The following ALK variants were observed in gnomAD, a reference collection of about 807,000 sequenced individuals.
ALK encodes the protein ALK receptor tyrosine kinase, also known as ALK tyrosine kinase receptor.
A neutral mutation model predicts 163.1 loss-of-function variants in ALK; 74 were observed. The observed-to-expected ratio is 0.45, with a 90% CI of 0.38 to 0.55. The LOEUF is 0.55. Among genes scored for constraint, ALK ranks in the 20% least tolerant of loss-of-function variants. The pLI, the probability that ALK is intolerant of heterozygous loss-of-function variation, is 0.00. For missense variants in ALK, 2,063 were observed against 2,105.3 expected (o/e 0.98, Z 0.39); for synonymous variants, 960 against 843.2 (o/e 1.14, Z -2.40).
chr2:29,383,258 A>G (rs1436571253), intron 5 of ALK, among the ~76,000 whole-genome samples: 1 of 151,780 alleles, frequency 6.6e-6, no homozygotes, highest in Non-Finnish European at 1.5e-5. Flanking sequence ...GCTCTTTGAA[A>G]TTGATTATCT....
intron 9 of ALK, among the ~76,000 whole-genome samples, chr2:29,288,342 G>C (rs533218750): frequency 9.2e-4 from 140 of 152,272 alleles, no homozygotes; most frequent in African/African-American, 3.2e-3. Flanking sequence ...TTTTTCACTT[G>C]GGTCCTGACC....
intron 1 of ALK, among the ~76,000 whole-genome samples, chr2:29,763,392 T>C (rs1680768233): frequency 6.6e-6 from 1 of 152,198 alleles, no homozygotes; most frequent in Non-Finnish European, 1.5e-5. Context: ...TTACCAGATA[T>C]GTGACCTCTA....
intron 3 of ALK, among the ~76,000 whole-genome samples, chr2:29,654,911 T>G (rs1331058328): frequency 2.6e-5 from 4 of 152,132 alleles, no homozygotes; most frequent in Non-Finnish European, 5.9e-5. Context: ...CCTCATCAAT[T>G]ACTTTGACAT....
intron 1 of ALK, among the ~76,000 whole-genome samples, chr2:29,828,061 T>A (rs1319708198): frequency 6.6e-6 from 1 of 152,150 alleles, no homozygotes; most frequent in African/African-American, 2.4e-5. Context: ...AAACAAGAAA[T>A]GGGGAAATGA....
intron 5 of ALK, among the ~76,000 whole-genome samples, chr2:29,336,360 A>T (rs56878135): frequency 6.6e-6 from 1 of 151,900 alleles, no homozygotes; most frequent in African/African-American, 2.4e-5. Flanking sequence ...TCTCCCTTCC[A>T]GGGCATCTTT....
chr2:29,817,655 G>T (rs1268037191), intron 1 of ALK, among the ~76,000 whole-genome samples: 2 of 152,104 alleles, frequency 1.3e-5, no homozygotes, highest in Admixed American at 1.3e-4. Flanking sequence ...TTTGCCCAAG[G>T]ACCCGCCCTC....
chr2:29,542,902 T>C (rs1673450954), intron 3 of ALK, among the ~76,000 whole-genome samples: 1 of 152,202 alleles, frequency 6.6e-6, no homozygotes, highest in Admixed American at 6.5e-5. Flanking sequence ...TCTCTGATAA[T>C]TTAATTACCC....
intron 9 of ALK, among the ~76,000 whole-genome samples, chr2:29,288,960 AAAT>A (rs1476861130): frequency 0.041 from 517 of 12,602 alleles, 72 homozygotes; most frequent in Non-Finnish European, 0.18. Flanking sequence ...TCAAAAAAAT[AAAT>A]AAATAAATAA....
At chr2:29,217,498 G>T (rs1283397140) in intron 23 of ALK, among the ~76,000 whole-genome samples, 4 of 151,862 alleles carry the variant, frequency 2.6e-5, no homozygotes, top group Non-Finnish European at 5.9e-5. Flanking sequence ...TTTTTCATCT[G>T]TACCCATGCA....
chr2:29,555,668 G>A (rs1285216694), intron 3 of ALK, among the ~76,000 whole-genome samples: 1 of 152,144 alleles, frequency 6.6e-6, no homozygotes, highest in East Asian at 1.9e-4. Flanking sequence ...AGCAGATAGT[G>A]AAATGACCTC....
chr2:29,352,112 G>T (rs1413884258), intron 5 of ALK, among the ~76,000 whole-genome samples: 1 of 152,164 alleles, frequency 6.6e-6, no homozygotes, highest in Non-Finnish European at 1.5e-5. Context: ...GGCCATCTGT[G>T]CTCCGCTTCA....
chr2:29,194,972 A>G (rs1668988361), intron 28 of ALK, among the ~76,000 whole-genome samples: 1 of 152,248 alleles, frequency 6.6e-6, no homozygotes, highest in Non-Finnish European at 1.5e-5. Flanking sequence ...TTTGTGGAAG[A>G]AAAATTAAAT....
intron 1 of ALK, among the ~76,000 whole-genome samples, chr2:29,909,979 C>CAAAAA (rs563460919): frequency 2.4e-5 from 2 of 81,734 alleles, no homozygotes; most frequent in South Asian, 4.0e-4. Flanking sequence ...TGCACCACAC[C>CAAAAA]AAAAAAAAAA....
chr2:29,466,431 T>C (rs1671216151), intron 4 of ALK, among the ~76,000 whole-genome samples: 1 of 152,190 alleles, frequency 6.6e-6, no homozygotes, highest in Admixed American at 6.5e-5. Context: ...CTCACAAATA[T>C]ATGCACAATA....
chr2:29,810,028 CACAG>C (rs1254468794), intron 1 of ALK, among the ~76,000 whole-genome samples: 1 of 152,152 alleles, frequency 6.6e-6, no homozygotes, highest in Admixed American at 6.5e-5. Flanking sequence ...AAAAAGGTAA[CACAG>C]ACAAAGAACA....
intron 5 of ALK, among the ~76,000 whole-genome samples, chr2:29,358,021 G>A (rs1463900938): frequency 1.3e-5 from 2 of 152,180 alleles, no homozygotes; most frequent in African/African-American, 4.8e-5. Flanking sequence ...GCTAAGAGAA[G>A]AAGCAAAAGA....
intron 13 of ALK, among the ~76,000 whole-genome samples, chr2:29,238,685 C>T (rs897795024): frequency 2.0e-5 from 3 of 152,150 alleles, no homozygotes; most frequent in African/African-American, 7.2e-5. Context: ...CCCCACATGC[C>T]CCTGCTATGC....
chr2:29,523,127 G>A (rs1049788929), intron 4 of ALK, among the ~76,000 whole-genome samples: 1 of 152,100 alleles, frequency 6.6e-6, no homozygotes, highest in African/African-American at 2.4e-5. Flanking sequence ...CCGGGCAGGA[G>A]GGGGAGGAAG....
intron 2 of ALK, among the ~76,000 whole-genome samples, chr2:29,703,882 G>A (rs1279204931): frequency 1.3e-5 from 2 of 152,114 alleles, no homozygotes; most frequent in Admixed American, 1.3e-4. Flanking sequence ...TGATTAATGA[G>A]TCCTTCACAT....
Sources: gnomAD v4.1 joint callset for allele counts (sites outside exome capture counted in the v4.1 genomes callset) on GRCh38, gnomAD v4.1.1 for gene constraint, MANE v1.5 for transcripts, NCBI Gene and HGNC (gene_info 2026-07-23, HGNC 2026-07-21) for gene names.